The following ITPRID1 variants were observed in gnomAD, a reference collection of about 807,000 sequenced individuals.
The protein encoded by ITPRID1 is ITPR interacting domain containing 1.
ITPRID1 carries 96 observed loss-of-function variants against 95.4 expected under a neutral mutation model. The observed-to-expected ratio is 1.01, with a 90% CI of 0.85 to 1.19. The LOEUF is 1.19. Ranked by LOEUF, ITPRID1 falls within the 50% of genes most tolerant of loss-of-function variation. ITPRID1 has a pLI of 0.00. For synonymous variants in ITPRID1, 510 were observed against 453.6 expected (o/e 1.12, Z -1.58); for missense variants, 1,339 against 1,252.9 (o/e 1.07, Z -1.04).
Position 31,643,858 on chromosome 7 carries a change from A to G in ITPRID1, c.2488A>G (p.Arg830Gly), listed in dbSNP as rs1353403518. 6.2e-7 allele frequency: 1 copy of G among 1,613,904 alleles called. No homozygotes were observed. Among genetic ancestry groups the G allele is most frequent in the Non-Finnish European group, 8.5e-7 (1 of 1,179,898 alleles). ...QSPGPEPSVC[R>G]HCLCSLTGHQ... ...CCCTGGCCCTGAACCCTCAGTCTGTAGGCACTGCCTGTGTTCACTAACTGG... is the reference window on the plus strand; with the variant it reads ...CCCTGGCCCTGAACCCTCAGTCTGTGGGCACTGCCTGTGTTCACTAACTGG... The change falls in exon 12 of 15, where the codon AGG becomes GGG. Residue 830 changes from arginine (R) to glycine (G), a missense_variant. Transcript: ENST00000615280.
At chr7:31,583,545 T>C (rs936459227) in intron 10 of ITPRID1, among the ~76,000 whole-genome samples, 5 of 152,108 alleles carry the variant, frequency 3.3e-5, no homozygotes, top group African/African-American at 1.2e-4. Flanking sequence ...GGAGAATTGC[T>C]TGAACCCAGG....
chr7:31,642,061 A>T (rs1790066998), intron 10 of ITPRID1, 115 bp from the exon 11 acceptor site: 1 of 565,674 alleles, frequency 1.8e-6, no homozygotes, highest in East Asian at 3.2e-5. Context: ...TTTCTTCCAC[A>T]CAGTGGGCAT....
chr7:31,581,516 A>G (rs1484892470), intron 9 of ITPRID1, among the ~76,000 whole-genome samples: 1 of 152,166 alleles, frequency 6.6e-6, no homozygotes, highest in Non-Finnish European at 1.5e-5. Context: ...CTGTTTGCAT[A>G]TAAGCATCAT....
chr7:31,520,463 C>G (rs1007299301), intron 1 of ITPRID1, among the ~76,000 whole-genome samples: 2 of 151,576 alleles, frequency 1.3e-5, no homozygotes, highest in Non-Finnish European at 2.9e-5. Context: ...CCAGCTTTGG[C>G]CAATAAGAGC....
At chr7:31,633,642 G>A (rs929031584) in intron 10 of ITPRID1, among the ~76,000 whole-genome samples, 13 of 152,306 alleles carry the variant, frequency 8.5e-5, no homozygotes, top group African/African-American at 3.1e-4. Flanking sequence ...GCTCTTAAAG[G>A]CATTGGCATT....
chr7:31,521,500 C>T (rs1783247431), intron 1 of ITPRID1, among the ~76,000 whole-genome samples: 1 of 152,158 alleles, frequency 6.6e-6, no homozygotes. Flanking sequence ...TTCCATCTTG[C>T]TAAATGTCTC....
At chr7:31,602,837 G>A (rs934716673) in intron 10 of ITPRID1, among the ~76,000 whole-genome samples, 1 of 151,982 alleles carries the variant, frequency 6.6e-6, no homozygotes, top group Non-Finnish European at 1.5e-5. Context: ...TTCTCTCTCT[G>A]GTTATTTATT....
chr7:31,616,223 T>TAATCGTGCCTCTTTTTGATTAA (rs1275805526), intron 10 of ITPRID1, among the ~76,000 whole-genome samples: 29 of 152,322 alleles, frequency 1.9e-4, no homozygotes, highest in Middle Eastern at 3.4e-3. Context: ...CCATGGTTTT[T>TAATCGTGCCTCTTTTTGATTAA]AATCGTGCCT....
intron 1 of ITPRID1, among the ~76,000 whole-genome samples, chr7:31,514,660 G>A (rs374040149): frequency 1.3e-5 from 2 of 152,054 alleles, no homozygotes; most frequent in East Asian, 3.9e-4. Context: ...TGAGGATATC[G>A]CTCCAGTATA....
intron 10 of ITPRID1, among the ~76,000 whole-genome samples, chr7:31,628,963 G>T (rs1159056228): frequency 6.6e-6 from 1 of 152,094 alleles, no homozygotes; most frequent in Non-Finnish European, 1.5e-5. Context: ...AAAACATTTG[G>T]ACTGGTTATC....
chr7:31,644,034 C>A, intron 12 of ITPRID1, 81 bp downstream of exon 12: 3 of 1,349,482 alleles, frequency 2.2e-6, no homozygotes, highest in Non-Finnish European at 3.0e-6. Flanking sequence ...GACTTCCTTG[C>A]TGAATGCAAG....
intron 10 of ITPRID1, among the ~76,000 whole-genome samples, chr7:31,629,008 TAA>T (rs1471867482): frequency 2.6e-5 from 4 of 152,088 alleles, no homozygotes; most frequent in African/African-American, 9.7e-5. Context: ...GTAGAAAAAT[TAA>T]AGTCTCCAAA....
chr7:31,643,386 A>G lies in ITPRID1; in HGVS notation c.2016A>G (p.Gly672=). Residue 672 remains glycine (G), a synonymous_variant, in exon 12 of 15, where the codon GGA becomes GGG. Coordinates refer to ENST00000615280, the MANE Select transcript of ITPRID1 (RefSeq NM_001257967.3). ...KLIPHLHKLP[G]DPAQVKSRSG... ...TTCCCCACCTCCATAAACTGCCTGG[A>G]GATCCTGCCCAGGTGAAGTCAAGGT... is the stretch of plus-strand genomic sequence containing the variant. 2 of 1,614,000 alleles carry G rather than the reference A, an allele frequency of 1.2e-6. No homozygotes were observed. Among genetic ancestry groups the G allele is most frequent in the South Asian group, 2.2e-5 (2 of 91,078 alleles).
At chr7:31,588,257 T>G (rs1383757287) in intron 10 of ITPRID1, among the ~76,000 whole-genome samples, 1 of 152,038 alleles carries the variant, frequency 6.6e-6, no homozygotes, top group Non-Finnish European at 1.5e-5. Context: ...GGAATGGCAC[T>G]GGGTGAGTGT....
chr7:31,656,494 G>A lies in ITPRID1; in HGVS notation c.*3665G>A. 1 of 982,002 alleles carries A rather than the reference G, an allele frequency of 1.0e-6. No individual in the cohort carries two copies. Among genetic ancestry groups the A allele is most frequent in the Non-Finnish European group, 1.2e-6 (1 of 827,654 alleles). The allele number at this position is 982,002 out of a possible 1,614,324, so 60.8% of individuals were successfully genotyped here. A position where few individuals can be genotyped will look rare whatever the true frequency, so the allele number is the denominator to read the frequency against. ...TGCACATACCAAGAACTCAATAAAT[G>A]CTAACTGTAATTACTGTCTTCCTTC... On this transcript the variant is annotated 3_prime_UTR_variant, in exon 15 of 15. Transcript: ENST00000615280.
chr7:31,639,532 GTTTT>G, intron 10 of ITPRID1, among the ~76,000 whole-genome samples: 1 of 45,532 alleles, frequency 2.2e-5, no homozygotes, highest in Non-Finnish European at 3.9e-5. Flanking sequence ...TTGTTTGTTT[GTTTT>G]TGTTTTTTTT....
intron 10 of ITPRID1, among the ~76,000 whole-genome samples, chr7:31,628,273 C>G (rs1192593210): frequency 1.3e-5 from 2 of 152,068 alleles, no homozygotes; most frequent in Non-Finnish European, 2.9e-5. Context: ...AAGCCTGGAG[C>G]ACAGGCAGGG....
intron 10 of ITPRID1, among the ~76,000 whole-genome samples, chr7:31,639,124 G>C (rs1789767940): frequency 1.3e-5 from 2 of 152,050 alleles, no homozygotes; most frequent in East Asian, 3.9e-4. Context: ...TCATGTTTCT[G>C]GTGCTTGGAG....
intron 10 of ITPRID1, among the ~76,000 whole-genome samples, chr7:31,625,030 C>T (rs1788315485): frequency 6.6e-6 from 1 of 152,200 alleles, no homozygotes; most frequent in Non-Finnish European, 1.5e-5. Context: ...AAATGCTCAT[C>T]ATCACTGGCC....
Sources: gnomAD v4.1 joint callset for allele counts (sites outside exome capture counted in the v4.1 genomes callset) on GRCh38, gnomAD v4.1.1 for gene constraint, MANE v1.5 for transcripts, NCBI Gene and HGNC (gene_info 2026-07-23, HGNC 2026-07-21) for gene names.